KLHL6: variants seen among roughly 807,000 people sequenced by gnomAD.
KLHL6 encodes kelch like family member 6.
A neutral mutation model predicts 58.6 loss-of-function variants in KLHL6; 41 were observed. The observed-to-expected ratio is 0.70, with a 90% CI of 0.55 to 0.91. KLHL6 has a LOEUF of 0.91. Ranked by LOEUF, KLHL6 falls within the 40% of genes least tolerant of loss-of-function variation. KLHL6 has a pLI of 0.00. For synonymous variants in KLHL6, 338 were observed against 322.7 expected, an observed-to-expected ratio of 1.05 and a Z score of -0.51; for missense variants, 714 against 805.6, an observed-to-expected ratio of 0.89 and a Z score of 1.38.
Position 183,492,607 on chromosome 3 carries a change from T to C in KLHL6, c.1451A>G (p.Asp484Gly). The C allele has an allele frequency of 2.5e-6, 4 of 1,614,228 alleles. No individual in the cohort carries two copies. Among genetic ancestry groups the C allele is most frequent in the Non-Finnish European group, 3.4e-6 (4 of 1,180,046 alleles). The change falls in exon 6 of 7, where the codon GAC becomes GGC. Residue 484 changes from aspartate to glycine, a missense_variant. Transcript: ENST00000341319. This position sits in a 1 kb window ranked among gnomAD's most constrained non-coding sequence, Gnocchi z 5.9. ...GGGPNGKLAT[D>G]KTQCYDPSTN... ...GGAAGGGTCATAACACTGAGTCTTGTCTGTGGCCAGTTTCCCATTGGGCCC... is the reference window on the plus strand; with the variant it reads ...GGAAGGGTCATAACACTGAGTCTTGCCTGTGGCCAGTTTCCCATTGGGCCC...
At chr3:183,504,247 A>T (rs989009289) in intron 3 of KLHL6, among the ~76,000 whole-genome samples, 2 of 152,218 alleles carry the variant, frequency 1.3e-5, no homozygotes, top group African/African-American at 4.8e-5. Flanking sequence ...TCCATTCATT[A>T]CTTAACTCTC....
intron 2 of KLHL6, among the ~76,000 whole-genome samples, chr3:183,526,203 C>T (rs558921652): frequency 9.1e-4 from 139 of 152,102 alleles, no homozygotes; most frequent in African/African-American, 3.2e-3. Flanking sequence ...CCCAGCTACT[C>T]GGGAGGCTGA....
At chr3:183,545,098 T>C (rs1476159983) in intron 1 of KLHL6, among the ~76,000 whole-genome samples, 1 of 152,182 alleles carries the variant, frequency 6.6e-6, no homozygotes, top group Non-Finnish European at 1.5e-5. Flanking sequence ...GCACGCAGGC[T>C]GCACGAAAGG....
intron 3 of KLHL6, among the ~76,000 whole-genome samples, chr3:183,506,046 C>A (rs1244488098): frequency 2.6e-5 from 4 of 152,186 alleles, no homozygotes; most frequent in South Asian, 2.1e-4. Flanking sequence ...TCTAAAAGAA[C>A]CTCAGACAGA....
Position 183,527,926 on chromosome 3 carries a change from C to T in KLHL6, c.378G>A (p.Leu126=), listed in dbSNP as rs778258408. The stretch of plus-strand genomic sequence containing the variant: ...CCTTGCTGGTGTACGTGTAGTCCAA[C>T]AGAGTGTGCATGGTCTCAGCATCAA... ...KGVDAETMHT[L]LDYTYTSKAL... The change falls in exon 2 of 7, where the codon CTG becomes CTA. Residue 126 remains leucine, a synonymous_variant. Coordinates refer to ENST00000341319, the MANE Select transcript of KLHL6 (RefSeq NM_130446.4). 1.2e-6 allele frequency: 2 copies of T among 1,614,020 alleles called. No individual in the cohort carries two copies. Among genetic ancestry groups the T allele is most frequent in the South Asian group, 2.2e-5 (2 of 91,082 alleles).
chr3:183,514,485 A>C (rs1035270453), intron 2 of KLHL6, among the ~76,000 whole-genome samples: 2 of 151,810 alleles, frequency 1.3e-5, no homozygotes, highest in Non-Finnish European at 2.9e-5. Flanking sequence ...TTATGATCCT[A>C]CGCGCCTCAC....
intron 1 of KLHL6, among the ~76,000 whole-genome samples, chr3:183,540,014 G>A (rs1712500857): frequency 6.6e-6 from 1 of 152,156 alleles, no homozygotes; most frequent in Non-Finnish European, 1.5e-5. Context: ...AAGATACAAT[G>A]GACAGTTTTT....
intron 1 of KLHL6, among the ~76,000 whole-genome samples, chr3:183,541,145 C>A (rs1325103504): frequency 6.6e-6 from 1 of 152,228 alleles, no homozygotes. Context: ...CCAGTCTTTA[C>A]CCCAAGGTAT....
chr3:183,550,845 G>T (rs1712887337), intron 1 of KLHL6, among the ~76,000 whole-genome samples: 1 of 151,984 alleles, frequency 6.6e-6, no homozygotes, highest in Non-Finnish European at 1.5e-5. Flanking sequence ...TATGGGCTGG[G>T]CGCAGTGGCT....
chr3:183,494,201 C>G lies in KLHL6; in HGVS notation c.1228G>C (p.Gly410Arg). 1 of 1,614,018 alleles carries G rather than the reference C, an allele frequency of 6.2e-7. No homozygotes were observed. Among genetic ancestry groups the G allele is most frequent in the Non-Finnish European group, 8.5e-7 (1 of 1,179,894 alleles). ...ACCACCATCTTATGCCTCCAGCGGCCTATGTTTAAATACTCAATCTGAATC... is the reference window on the plus strand; with the variant it reads ...ACCACCATCTTATGCCTCCAGCGGCGTATGTTTAAATACTCAATCTGAATC... ...KWIQIEYLNI[G>R]RWRHKMVVLG... Residue 410 changes from glycine to arginine, a missense_variant, in exon 5 of 7, where the codon GGC (glycine) becomes CGC (arginine). Gly to Arg is a moderately radical substitution (Grantham distance 125). Coordinates refer to ENST00000341319, the MANE Select transcript of KLHL6 (RefSeq NM_130446.4).
intron 1 of KLHL6, among the ~76,000 whole-genome samples, chr3:183,546,058 C>A (rs1255921852): frequency 6.6e-6 from 1 of 152,234 alleles, no homozygotes; most frequent in Admixed American, 6.5e-5. Context: ...TCACTGCCTT[C>A]ACATGGCTTG....
At chr3:183,539,774 A>G (rs1577200954) in intron 1 of KLHL6, among the ~76,000 whole-genome samples, 1 of 151,972 alleles carries the variant, frequency 6.6e-6, no homozygotes, top group Non-Finnish European at 1.5e-5. Context: ...CCACTCCTCA[A>G]GGACACTGCC....
chr3:183,508,763 T>C (rs1277168601), intron 2 of KLHL6, among the ~76,000 whole-genome samples: 2 of 152,178 alleles, frequency 1.3e-5, no homozygotes, highest in Admixed American at 6.5e-5. Context: ...GCTAAATACA[T>C]ATAATTCATT....
chr3:183,542,192 C>A (rs942380961), intron 1 of KLHL6, among the ~76,000 whole-genome samples: 10 of 152,148 alleles, frequency 6.6e-5, no homozygotes, highest in African/African-American at 2.2e-4. Context: ...AAGGGTCTGC[C>A]TAGATTGATG....
chr3:183,535,592 T>C (rs1712338019), intron 1 of KLHL6, among the ~76,000 whole-genome samples: 1 of 152,130 alleles, frequency 6.6e-6, no homozygotes, highest in Non-Finnish European at 1.5e-5. Flanking sequence ...GACTTGAAGA[T>C]TAGTGAGAGG....
chr3:183,549,883 G>A (rs1218416549), intron 1 of KLHL6, among the ~76,000 whole-genome samples: 1 of 151,858 alleles, frequency 6.6e-6, no homozygotes, highest in East Asian at 1.9e-4. Context: ...GAAACTATCT[G>A]GGCAACATAG....
chr3:183,497,710 G>A (rs1027404668), intron 4 of KLHL6, among the ~76,000 whole-genome samples: 1 of 152,184 alleles, frequency 6.6e-6, no homozygotes, highest in Non-Finnish European at 1.5e-5. Flanking sequence ...AGTGTCAGAA[G>A]ATGGCAGGCC....
chr3:183,545,228 C>T (rs1010677804), intron 1 of KLHL6, among the ~76,000 whole-genome samples: 1 of 152,164 alleles, frequency 6.6e-6, no homozygotes, highest in African/African-American at 2.4e-5. Context: ...TCCCTCGAAA[C>T]CAAAAAATGC....
intron 2 of KLHL6, chr3:183,521,438 C>G (rs529836871): frequency 6.6e-6 from 1 of 152,254 alleles, no homozygotes; most frequent in African/African-American, 2.4e-5. Context: ...GTTCTCAGAA[C>G]ATTGCACTGG....
Sources: gnomAD v4.1 joint callset for allele counts (sites outside exome capture counted in the v4.1 genomes callset) on GRCh38, gnomAD v4.1.1 for gene constraint, Gnocchi (gnomAD v3.1) non-coding constraint, MANE v1.5 for transcripts, NCBI Gene and HGNC (gene_info 2026-07-23, HGNC 2026-07-21) for gene names.